Variants in CNOT6 observed in about 807,000 individuals in gnomAD.
The protein encoded by CNOT6 is CCR4-NOT transcription complex subunit 6.
Under a neutral mutation model 61.2 loss-of-function variants are expected in CNOT6, and 12 were observed. The observed-to-expected ratio is 0.20, with a 90% CI of 0.13 to 0.32. The LOEUF is 0.32. Among genes scored for constraint, CNOT6 ranks in the 10% least tolerant of loss-of-function variants. The pLI, the probability that CNOT6 is intolerant of heterozygous loss-of-function variation, is 1.00. For synonymous variants in CNOT6, 225 were observed against 240.6 expected, an observed-to-expected ratio of 0.94 and a Z score of 0.60; for missense variants, 405 against 663.9, an observed-to-expected ratio of 0.61 and a Z score of 4.28.
At chr5:180,498,836 T>A (rs1220361636) in intron 1 of CNOT6, among the ~76,000 whole-genome samples, 1 of 152,106 alleles carries the variant, frequency 6.6e-6, no homozygotes, top group Non-Finnish European at 1.5e-5. Flanking sequence ...GAAGGCTCAC[T>A]TGGAGTGCGG....
At chr5:180,549,227 T>C (rs1046402111) in intron 2 of CNOT6, among the ~76,000 whole-genome samples, 3 of 152,214 alleles carry the variant, frequency 2.0e-5, no homozygotes, top group Non-Finnish European at 4.4e-5. Context: ...TCTGGAGATA[T>C]GAACAGCCTC....
Position 180,574,086 on chromosome 5 carries a change from T to C in CNOT6, c.1560T>C (p.Ser520=), listed in dbSNP as rs142530209. Reference sequence around the variant, plus strand: ...ACTGGCTGGTTGAGAATAACATCAGTGGCTGCCCGCACCCCCTCATCCCCT... The same window carrying C: ...ACTGGCTGGTTGAGAATAACATCAGCGGCTGCCCGCACCCCCTCATCCCCT... ...DHHWLVENNI[S]GCPHPLIPSD... is the part of the protein sequence containing the mutation. The change falls in exon 12 of 12, where the codon AGT becomes AGC. Residue 520 remains serine (S), a synonymous_variant. Coordinates refer to ENST00000261951, the MANE Select transcript of CNOT6 (RefSeq NM_001370472.1). 1.9e-6 allele frequency: 3 copies of C among 1,613,988 alleles called. No homozygotes were observed. Among genetic ancestry groups the C allele is most frequent in the Non-Finnish European group, 2.5e-6 (3 of 1,179,870 alleles).
intron 1 of CNOT6, among the ~76,000 whole-genome samples, chr5:180,521,274 CATTT>C (rs1757867842): frequency 6.6e-6 from 1 of 152,142 alleles, no homozygotes. Context: ...ACTGGTTAGT[CATTT>C]ACGACATTTT....
At chr5:180,569,079 T>C (rs770157776) in intron 9 of CNOT6, 31 bp from the exon 10 acceptor site, 3 of 1,552,396 alleles carry the variant, frequency 1.9e-6, no homozygotes, top group Non-Finnish European at 2.7e-6. Flanking sequence ...GGGTTTTGTC[T>C]CTTTCTTTGT....
At chr5:180,530,561 C>CTTTTTTT (rs70973925) in intron 2 of CNOT6, among the ~76,000 whole-genome samples, 2 of 119,428 alleles carry the variant, frequency 1.7e-5, no homozygotes, top group Non-Finnish European at 1.8e-5. Flanking sequence ...CTTCTGATTT[C>CTTTTTTT]TTTTTTTTTT....
intron 1 of CNOT6, among the ~76,000 whole-genome samples, chr5:180,523,047 C>T (rs538438077): frequency 1.3e-5 from 2 of 152,240 alleles, no homozygotes; most frequent in South Asian, 4.1e-4. Flanking sequence ...TTGTGGGACT[C>T]AGCCCATAAT....
intron 1 of CNOT6, among the ~76,000 whole-genome samples, chr5:180,499,643 C>T (rs945365717): frequency 1.7e-4 from 26 of 152,150 alleles, no homozygotes; most frequent in African/African-American, 6.3e-4. Context: ...CACTCTAAAG[C>T]TTTATCAGTG....
Position 180,552,457 on chromosome 5 carries a change from C to T in CNOT6, c.300-929C>T, listed in dbSNP as rs892800023. Among the ~76,000 whole-genome samples the T allele has an allele frequency of 2.2e-4, 33 of 151,432 alleles. No individual in the cohort carries two copies. The Middle Eastern group carries it at 0.01, about 47-fold the overall frequency. ...GAGATCGAGACCATCCTGGCTAACA[C>T]GGTGAAACCCCGTCTCTACTAAAAA... is the stretch of plus-strand genomic sequence containing the variant. On this transcript the variant is annotated intron_variant, in intron 3 of 11. Transcript: ENST00000261951.
chr5:180,571,826 G>A (rs1452126170), intron 11 of CNOT6, among the ~76,000 whole-genome samples: 1 of 152,050 alleles, frequency 6.6e-6, no homozygotes, highest in Non-Finnish European at 1.5e-5. Context: ...GCCTCCCAGT[G>A]TGCTGGGATT....
intron 1 of CNOT6, among the ~76,000 whole-genome samples, chr5:180,497,054 G>A (rs1756642356): frequency 6.6e-6 from 1 of 152,084 alleles, no homozygotes; most frequent in Non-Finnish European, 1.5e-5. Context: ...TATGCCAGGC[G>A]CGGTGACTCA....
At chr5:180,565,794 A>G (rs1760419750) in intron 6 of CNOT6, 26 bp from the exon 7 acceptor site, 1 of 1,540,946 alleles carries the variant, frequency 6.5e-7, no homozygotes, top group Non-Finnish European at 8.8e-7. Flanking sequence ...CACATGTGTG[A>G]ATAAGTAAAG....
At chr5:180,562,894 C>G (rs146546232) in intron 4 of CNOT6, among the ~76,000 whole-genome samples, 2 of 152,260 alleles carry the variant, frequency 1.3e-5, no homozygotes, top group African/African-American at 4.8e-5. Flanking sequence ...GCTTATCTCA[C>G]GGGATTGTGA....
chr5:180,540,869 G>C (rs575773255), intron 2 of CNOT6, among the ~76,000 whole-genome samples: 1 of 152,154 alleles, frequency 6.6e-6, no homozygotes, highest in East Asian at 1.9e-4. Context: ...AGGAAAATTG[G>C]TTAGTATTTT....
In CNOT6 at chr5:180,533,312, C is replaced by CTATATGTATATATATATATA. The variant is rs71591497; in HGVS notation, c.112+3929_112+3930insGTATATATATATATATATAT. On this transcript the variant is annotated intron_variant, in intron 2 of 11. Transcript: ENST00000261951. ...GGAACCAGGAACCATGGATGAAAAC[C>CTATATGTATATATATATATA]TATATATATATATATATATATATAT... is the stretch of plus-strand genomic sequence containing the variant. 3.9e-5 allele frequency among the ~76,000 whole-genome samples: 5 copies of CTATATGTATATATATATATA among 127,642 alleles called. No homozygotes were observed. The East Asian group carries it at 7.6e-4, about 19-fold the overall frequency. 83.7% of individuals were successfully genotyped at this position (127,642 alleles called of 152,430 possible).
chr5:180,556,793 A>AGCCCGTCAC (rs1381687527), intron 4 of CNOT6, among the ~76,000 whole-genome samples: 1 of 152,152 alleles, frequency 6.6e-6, no homozygotes. Flanking sequence ...ACTACTAAAA[A>AGCCCGTCAC]TACAAAAACA....
chr5:180,495,836 C>G (rs976952538), intron 1 of CNOT6: 1 of 152,190 alleles, frequency 6.6e-6, no homozygotes, highest in African/African-American at 2.4e-5. Flanking sequence ...TAGGAGTGGA[C>G]GTGGGCCATT....
chr5:180,568,263 A>G (rs949103617), intron 9 of CNOT6, among the ~76,000 whole-genome samples: 1 of 149,916 alleles, frequency 6.7e-6, no homozygotes, highest in Non-Finnish European at 1.5e-5. Flanking sequence ...AGAATTTTTC[A>G]TATAAAATAA....
At chr5:180,541,030 C>T (rs1399097200) in intron 2 of CNOT6, among the ~76,000 whole-genome samples, 14 of 152,004 alleles carry the variant, frequency 9.2e-5, no homozygotes, top group Admixed American at 9.2e-4. Flanking sequence ...CTGGAAAAGC[C>T]TTTCTGTTGA....
At chr5:180,556,969 AAG>A (rs1409161074) in intron 4 of CNOT6, among the ~76,000 whole-genome samples, 1 of 152,270 alleles carries the variant, frequency 6.6e-6, no homozygotes, top group East Asian at 1.9e-4. Flanking sequence ...AAAAAAAAAA[AAG>A]AATGCTACTG....
Sources: allele counts gnomAD v4.1 joint callset (sites outside exome capture counted in the v4.1 genomes callset), GRCh38; gene constraint gnomAD v4.1.1; transcripts MANE v1.5; gene names NCBI Gene and HGNC (gene_info 2026-07-23, HGNC 2026-07-21).